METTL15: variants seen among roughly 807,000 people sequenced by gnomAD.
METTL15 encodes the protein methyltransferase 15, mitochondrial 12S rRNA N4-cytidine.
Under a neutral mutation model 38.3 loss-of-function variants are expected in METTL15, and 34 were observed. The observed-to-expected ratio is 0.89, with a 90% confidence interval of 0.68 to 1.18. The LOEUF (loss-of-function observed/expected upper bound fraction) is 1.18. Ranked by LOEUF, METTL15 falls within the 50% of genes most tolerant of loss-of-function variation. The probability of loss-of-function intolerance (pLI) is 0.00; values close to 1 mark genes in which losing one functional copy is unlikely to be tolerated. For missense variants in METTL15, 438 were observed against 498.4 expected, an observed-to-expected ratio of 0.88 and a Z score of 1.15; for synonymous variants, 162 against 170.9, an observed-to-expected ratio of 0.95 and a Z score of 0.41.
chr11:28,213,457 C>A lies in METTL15; in HGVS notation c.407+2259C>A, dbSNP rs184664727. ...ATCATAAGATAATAAAACTGCAATT[C>A]TCTGGTAACTTGCAAAACCTAGATG... On this transcript the variant is annotated intron_variant, in intron 4 of 6. Coordinates refer to ENST00000407364, the MANE Select transcript of METTL15 (RefSeq NM_001113528.2). Among the ~76,000 whole-genome samples the A allele has an allele frequency of 2.6e-5, 4 of 151,928 alleles. No individual in the cohort carries two copies. In the East Asian group the frequency reaches 7.8e-4, roughly 29 times the overall value.
In METTL15 at chr11:28,524,215, C is replaced by T. The variant is rs144648405; in HGVS notation, c.*425-2263C>T. ...AAATTTTTGATTTTTTTGAAAATCACTTCAAGACCATGAACGATAATAGAT... is the reference window on the plus strand; with the variant it reads ...AAATTTTTGATTTTTTTGAAAATCATTTCAAGACCATGAACGATAATAGAT... On this transcript the variant is annotated intron_variant and NMD_transcript_variant, in intron 6 of 7. Transcript: ENST00000532947. Among the ~76,000 whole-genome samples, 682 of 152,288 alleles carry T rather than the reference C, an allele frequency of 4.5e-3. 6 individuals carry two copies. Among genetic ancestry groups the T allele is most frequent in the African/African-American group, 0.015 (643 of 41,556 alleles).
intron 5 of METTL15, among the ~76,000 whole-genome samples, chr11:28,368,128 C>CAAAAAAAAAA (rs796151908): frequency 3.7e-4 from 12 of 32,442 alleles, no homozygotes; most frequent in Admixed American, 6.1e-4. Context: ...TTCTGCATAG[C>CAAAAAAAAAA]AAAAAAAAAA....
intron 4 of METTL15, among the ~76,000 whole-genome samples, chr11:28,220,181 G>T (rs545801725): frequency 6.6e-5 from 10 of 151,996 alleles, no homozygotes; most frequent in Admixed American, 2.0e-4. Flanking sequence ...TGCCATTATT[G>T]TTGTGTGGGA....
At chr11:28,130,089 C>G (rs1370685632) in intron 3 of METTL15, among the ~76,000 whole-genome samples, 1 of 152,096 alleles carries the variant, frequency 6.6e-6, no homozygotes, top group Non-Finnish European at 1.5e-5. Context: ...ATTGGAGGAT[C>G]GCTTGAGCTC....
At chr11:28,134,857 GCTA>G (rs1849464307) in intron 3 of METTL15, among the ~76,000 whole-genome samples, 1 of 152,194 alleles carries the variant, frequency 6.6e-6, no homozygotes, top group African/African-American at 2.4e-5. Flanking sequence ...TACTATACCT[GCTA>G]AGATTTGGGT....
At chr11:28,460,448 C>T (rs1050195104) in intron 6 of METTL15, among the ~76,000 whole-genome samples, 1 of 152,040 alleles carries the variant, frequency 6.6e-6, no homozygotes, top group Non-Finnish European at 1.5e-5. Context: ...TGTATTACAA[C>T]ACTTAACTTT....
At chr11:28,473,786 C>G (rs1213152242) in intron 6 of METTL15, among the ~76,000 whole-genome samples, 1 of 152,098 alleles carries the variant, frequency 6.6e-6, no homozygotes, top group East Asian at 1.9e-4. Flanking sequence ...TCACACTCAT[C>G]TAATGCTAAA....
intron 4 of METTL15, among the ~76,000 whole-genome samples, chr11:28,278,181 TGA>T (rs1590252589): frequency 6.6e-6 from 1 of 152,064 alleles, no homozygotes; most frequent in African/African-American, 2.4e-5. Context: ...AGGCCTTATA[TGA>T]GAGAGAGAAT....
At chr11:28,172,001 A>G (rs1316635751) in intron 3 of METTL15, among the ~76,000 whole-genome samples, 1 of 151,864 alleles carries the variant, frequency 6.6e-6, no homozygotes, top group Non-Finnish European at 1.5e-5. Flanking sequence ...GGGTTCTACT[A>G]TGTTGCCTAG....
intron 4 of METTL15, among the ~76,000 whole-genome samples, chr11:28,228,365 C>G (rs1472053508): frequency 6.6e-6 from 1 of 151,900 alleles, no homozygotes; most frequent in Admixed American, 6.6e-5. Context: ...AACCACTCTG[C>G]TACTCAGTTT....
At chr11:28,365,598 T>A (rs1323177141) in intron 5 of METTL15, among the ~76,000 whole-genome samples, 1 of 152,180 alleles carries the variant, frequency 6.6e-6, no homozygotes, top group Non-Finnish European at 1.5e-5. Context: ...TCTATGTTAA[T>A]TACATTCCTC....
At chr11:28,191,680 A>G (rs911415923) in intron 3 of METTL15, among the ~76,000 whole-genome samples, 1 of 151,598 alleles carries the variant, frequency 6.6e-6, no homozygotes, top group African/African-American at 2.4e-5. Context: ...TTCTTTTGGC[A>G]CGGAAATATT....
chr11:28,364,451 T>TG (rs921435122), intron 5 of METTL15, among the ~76,000 whole-genome samples: 20 of 152,190 alleles, frequency 1.3e-4, no homozygotes, highest in African/African-American at 4.8e-4. Context: ...CTATTGTAAA[T>TG]GGGGTTGTTT....
intron 6 of METTL15, among the ~76,000 whole-genome samples, chr11:28,526,041 C>G (rs191485137): frequency 1.3e-5 from 2 of 152,220 alleles, no homozygotes; most frequent in Non-Finnish European, 2.9e-5. Context: ...GCTGCTGGCC[C>G]GGGTGCTAAG....
chr11:28,220,174 CATT>C (rs1268216403), intron 4 of METTL15, among the ~76,000 whole-genome samples: 2 of 152,046 alleles, frequency 1.3e-5, no homozygotes, highest in Admixed American at 1.3e-4. Context: ...TAAAGTCTGC[CATT>C]ATTGTTGTGT....
chr11:28,171,072 G>A (rs1850840240), intron 3 of METTL15, among the ~76,000 whole-genome samples: 1 of 152,086 alleles, frequency 6.6e-6, no homozygotes, highest in Non-Finnish European at 1.5e-5. Context: ...AGCTCCCTTG[G>A]ACTATTAGGT....
chr11:28,170,707 G>A (rs981148520), intron 3 of METTL15, among the ~76,000 whole-genome samples: 3 of 152,148 alleles, frequency 2.0e-5, no homozygotes, highest in African/African-American at 7.2e-5. Flanking sequence ...CCTAGTGAGA[G>A]TGTCTTTTAG....
chr11:28,408,176 G>GA (rs953310425), intron 5 of METTL15, among the ~76,000 whole-genome samples: 1 of 152,058 alleles, frequency 6.6e-6, no homozygotes, highest in African/African-American at 2.4e-5. Context: ...TGGGGTGGGG[G>GA]AAACATCATG....
intron 5 of METTL15, among the ~76,000 whole-genome samples, chr11:28,408,542 A>G (rs1457601754): frequency 1.3e-5 from 2 of 152,192 alleles, no homozygotes; most frequent in Admixed American, 1.3e-4. Context: ...AATTGTAAAA[A>G]AATAGTTAAT....
Sources: gnomAD v4.1 joint callset for allele counts (sites outside exome capture counted in the v4.1 genomes callset) on GRCh38, gnomAD v4.1.1 for gene constraint, MANE v1.5 for transcripts, NCBI Gene and HGNC (gene_info 2026-07-23, HGNC 2026-07-21) for gene names.